ARAP2: variants seen among roughly 807,000 people sequenced by gnomAD.
ARAP2 encodes arf-GAP with Rho-GAP domain, ANK repeat and PH domain-containing protein 2.
ARAP2 carries 148 observed loss-of-function variants against 194.5 expected under a neutral mutation model. The observed-to-expected ratio is 0.76, with a 90% CI of 0.67 to 0.87. The LOEUF (loss-of-function observed/expected upper bound fraction) is 0.87, where lower values mean the gene tolerates loss of function less well. Ranked by LOEUF, ARAP2 falls within the 40% of genes least tolerant of loss-of-function variation. ARAP2 has a pLI of 0.00. For missense variants in ARAP2, 2,128 were observed against 1,989.7 expected, an observed-to-expected ratio of 1.07 and a Z score of -1.32; for synonymous variants, 695 against 683.5, an observed-to-expected ratio of 1.02 and a Z score of -0.26.
At chr4:36,147,853 T>A (rs1730018309) in intron 17 of ARAP2, 107 bp from the exon 18 acceptor site, 1 of 1,010,040 alleles carries the variant, frequency 9.9e-7, no homozygotes. Context: ...TTTTTCAATT[T>A]TAAAGATTCA....
intron 26 of ARAP2, 95 bp from the exon 27 acceptor site, chr4:36,107,788 A>T (rs1718804124): frequency 1.7e-6 from 2 of 1,166,804 alleles, no homozygotes; most frequent in Admixed American, 2.7e-5. Flanking sequence ...ATTTGAAAAC[A>T]TCTGTAGGCA....
intron 2 of ARAP2, among the ~76,000 whole-genome samples, chr4:36,227,799 G>A (rs983171039): frequency 1.3e-5 from 2 of 152,146 alleles, no homozygotes; most frequent in Non-Finnish European, 2.9e-5. Flanking sequence ...TCCAACCCTG[G>A]AGAAAACCAC....
Position 36,158,781 on chromosome 4 carries a change from G to T in ARAP2, c.2701C>A (p.Gln901Lys). ...AGTTTAGAAGCAGCAGAAGGAGCTT[G>T]ATATAAAAAGTCACAGAGGAATGTG... ...QSTFLCDFLY[Q>K]APSAASKLSS... The change falls in exon 15 of 33, where the codon CAA becomes AAA. Residue 901 changes from glutamine to lysine, a missense_variant. By Grantham distance (53) the Gln-to-Lys change is moderately conservative. Transcript: ENST00000303965. 1.2e-6 allele frequency: 2 copies of T among 1,612,000 alleles called. No individual in the cohort carries two copies. The highest frequency in any genetic ancestry group is 1.7e-6 in the Non-Finnish European group (2 of 1,179,218).
At chr4:36,011,258 T>C (rs973614318) in intron 9 of ARAP2, among the ~76,000 whole-genome samples, 2 of 152,122 alleles carry the variant, frequency 1.3e-5, no homozygotes, top group African/African-American at 4.8e-5. Flanking sequence ...TCAACCACCA[T>C]TACACGTTTT....
chr4:36,118,690 T>C (rs979132806), intron 24 of ARAP2, among the ~76,000 whole-genome samples: 21 of 151,338 alleles, frequency 1.4e-4, no homozygotes, highest in African/African-American at 5.1e-4. Context: ...AAAGACTTCC[T>C]CCCCGCTCCC....
chr4:36,061,835 T>C (rs910792009), downstream of ARAP2, among the ~76,000 whole-genome samples: 24 of 152,260 alleles, frequency 1.6e-4, no homozygotes, highest in African/African-American at 5.5e-4. Flanking sequence ...TTTGGGGGTA[T>C]AAACAATTTT....
chr4:36,237,264 G>GA (rs1752621781), intron 1 of ARAP2, among the ~76,000 whole-genome samples: 1 of 152,182 alleles, frequency 6.6e-6, no homozygotes, highest in Admixed American at 6.5e-5. Context: ...ACTTATTGTG[G>GA]AAAAATCACT....
chr4:36,095,683 T>C (rs1714972901), intron 27 of ARAP2, among the ~76,000 whole-genome samples: 2 of 152,168 alleles, frequency 1.3e-5, no homozygotes, highest in Non-Finnish European at 1.5e-5. Flanking sequence ...CAAAAACATT[T>C]TGTGAGAACA....
intron 1 of ARAP2, among the ~76,000 whole-genome samples, chr4:36,059,764 A>C (rs1471138646): frequency 6.6e-6 from 1 of 152,192 alleles, no homozygotes; most frequent in Non-Finnish European, 1.5e-5. Context: ...TAGTAGAATT[A>C]TTACACAAAG....
intron 10 of ARAP2, among the ~76,000 whole-genome samples, chr4:36,165,683 C>T (rs1195656309): frequency 2.0e-5 from 3 of 151,848 alleles, no homozygotes; most frequent in Non-Finnish European, 4.4e-5. Context: ...TTTTTAGCCA[C>T]GTTCTGATTT....
At chr4:36,027,460 A>C (rs1054258131) in intron 5 of ARAP2, among the ~76,000 whole-genome samples, 1 of 151,456 alleles carries the variant, frequency 6.6e-6, no homozygotes, top group African/African-American at 2.4e-5. Context: ...GATTGGGCTC[A>C]GCTGTCAAGA....
chr4:36,190,215 C>T (rs918641464), intron 7 of ARAP2, among the ~76,000 whole-genome samples: 1 of 152,176 alleles, frequency 6.6e-6, no homozygotes, highest in African/African-American at 2.4e-5. Flanking sequence ...CCTTTCTGAC[C>T]AGCACATTCT....
Position 36,067,756 on chromosome 4 carries a change from T to G in ARAP2, c.*151A>C, listed in dbSNP as rs750904880. 4.4e-5 allele frequency: 35 copies of G among 798,066 alleles called. No homozygotes were observed. Among genetic ancestry groups the G allele is most frequent in the Middle Eastern group, 7.5e-4 (2 of 2,672 alleles). 49.4% of individuals were successfully genotyped at this position (798,066 alleles called of 1,614,324 possible). ...ACATTCAGTCACATATATACATATT[T>G]TTAAATGCTCCTTAAATGCCTAAGC... On this transcript the variant is annotated 3_prime_UTR_variant, in exon 33 of 33. Transcript: ENST00000303965.
At chr4:36,056,410 T>C (rs1382193935) in intron 2 of ARAP2, among the ~76,000 whole-genome samples, 2 of 152,252 alleles carry the variant, frequency 1.3e-5, no homozygotes. Flanking sequence ...TTACAAGCAA[T>C]GTCTCTACCT....
chr4:36,180,143 G>A (rs761682348), intron 8 of ARAP2, among the ~76,000 whole-genome samples: 1 of 152,084 alleles, frequency 6.6e-6, no homozygotes, highest in Non-Finnish European at 1.5e-5. Flanking sequence ...GCTGGGCATG[G>A]TGGCAGTAAT....
Position 36,229,068 on chromosome 4 carries a change from G to A in ARAP2, c.419C>T (p.Pro140Leu), listed in dbSNP as rs1163053386. 6.2e-7 allele frequency: 1 copy of A among 1,614,030 alleles called. No individual in the cohort carries two copies. Among genetic ancestry groups the A allele is most frequent in the Non-Finnish European group, 8.5e-7 (1 of 1,179,996 alleles). The change falls in exon 2 of 33, where the codon CCT becomes CTT. Residue 140 changes from proline to leucine, a missense_variant. By Grantham distance (98) the Pro-to-Leu change is moderately conservative. Coordinates refer to ENST00000303965, the MANE Select transcript of ARAP2 (RefSeq NM_015230.4). Reference sequence around the variant, plus strand: ...AGGAGACAGCTTATCATCTGATTGAGGATACTGGCTTCTTTCCACACTTGC... The same window carrying A: ...AGGAGACAGCTTATCATCTGATTGAAGATACTGGCTTCTTTCCACACTTGC... Reference protein sequence around the residue: ...SDASVERSQYPQSDDKLSPPK... With the variant: ...SDASVERSQYLQSDDKLSPPK...
At position 36,121,855 on chromosome 4, in the gene ARAP2, T is replaced by C. The variant is rs778311847; in HGVS notation, c.3747-529A>G. Among the ~76,000 whole-genome samples the C allele has an allele frequency of 5.3e-5, 8 of 151,680 alleles. No individual in the cohort carries two copies. The Admixed American group carries it at 5.3e-4, about 10-fold the overall frequency. Reference sequence around the variant, plus strand: ...CATGTGTCCATACAGCTATTCTAAATAAAATATTATCACAAGGCAGACTAC... The same window carrying C: ...CATGTGTCCATACAGCTATTCTAAACAAAATATTATCACAAGGCAGACTAC... On this transcript the variant is annotated intron_variant, in intron 22 of 32. Transcript: ENST00000303965.
chr4:36,043,567 C>A, intron 5 of ARAP2, among the ~76,000 whole-genome samples: 1 of 151,910 alleles, frequency 6.6e-6, no homozygotes, highest in Non-Finnish European at 1.5e-5. Flanking sequence ...TAAAGGCATA[C>A]AGTTTGAAGA....
chr4:36,166,013 A>G (rs1381655206), intron 10 of ARAP2, among the ~76,000 whole-genome samples: 1 of 152,154 alleles, frequency 6.6e-6, no homozygotes, highest in Non-Finnish European at 1.5e-5. Flanking sequence ...TTCTACTAGA[A>G]ATTTGTCACA....
Sources: gnomAD v4.1 joint callset for allele counts (sites outside exome capture counted in the v4.1 genomes callset) on GRCh38, gnomAD v4.1.1 for gene constraint, MANE v1.5 for transcripts, NCBI Gene and HGNC (gene_info 2026-07-23, HGNC 2026-07-21) for gene names.